CDKAL1: variants seen among roughly 807,000 people sequenced by gnomAD.
The protein encoded by CDKAL1 is CDKAL1 threonylcarbamoyladenosine tRNA methylthiotransferase, also known as threonylcarbamoyladenosine tRNA methylthiotransferase.
In CDKAL1, 32 loss-of-function variants were observed where a neutral mutation model predicts 68.2. The ratio of observed to expected loss-of-function variants is 0.47; its 90% CI spans 0.35 to 0.63. The LOEUF (loss-of-function observed/expected upper bound fraction) is 0.63. Ranked by LOEUF, CDKAL1 falls within the 30% of genes least tolerant of loss-of-function variation. The pLI, the probability that CDKAL1 is intolerant of heterozygous loss-of-function variation, is 0.00. For synonymous variants in CDKAL1, 234 were observed against 244.3 expected, an observed-to-expected ratio of 0.96 and a Z score of 0.39; for missense variants, 606 against 696.7, an observed-to-expected ratio of 0.87 and a Z score of 1.47.
At chr6:20,914,188 G>A (rs1222404293) in intron 9 of CDKAL1, among the ~76,000 whole-genome samples, 1 of 152,108 alleles carries the variant, frequency 6.6e-6, no homozygotes, top group Non-Finnish European at 1.5e-5. Context: ...TACTCGGGAG[G>A]CTGAGGCAGG....
intron 13 of CDKAL1, among the ~76,000 whole-genome samples, chr6:21,126,796 A>C (rs1047257824): frequency 6.6e-6 from 1 of 152,218 alleles, no homozygotes; most frequent in Non-Finnish European, 1.5e-5. Context: ...ATGCTGGTTT[A>C]AACAAAGAGA....
At chr6:20,548,476 T>G (rs1763690029) in intron 3 of CDKAL1, 117 bp from the exon 4 acceptor site, 1 of 657,516 alleles carries the variant, frequency 1.5e-6, no homozygotes, top group Non-Finnish European at 2.7e-6. Flanking sequence ...GAGGTTGCAG[T>G]GAGCTGTGGT....
At chr6:21,178,200 A>G (rs1472514172) in intron 13 of CDKAL1, among the ~76,000 whole-genome samples, 2 of 152,162 alleles carry the variant, frequency 1.3e-5, no homozygotes, top group Non-Finnish European at 2.9e-5. Context: ...AAGCCTTATC[A>G]TGGGGAAAGA....
At chr6:20,900,610 CCT>C (rs1240305356) in intron 9 of CDKAL1, among the ~76,000 whole-genome samples, 5 of 152,318 alleles carry the variant, frequency 3.3e-5, no homozygotes, top group Middle Eastern at 3.4e-3. Flanking sequence ...AGAGTTTCCC[CCT>C]GAAACATCTG....
At chr6:21,191,992 C>CTTTTTTTTTTTTTTTTTTTTTTTTT (rs145894251) in intron 13 of CDKAL1, among the ~76,000 whole-genome samples, 1 of 34,516 alleles carries the variant, frequency 2.9e-5, no homozygotes, top group African/African-American at 1.1e-4. Flanking sequence ...ATTCATTTTT[C>CTTTTTTTTTTTTTTTTTTTTTTTTT]TTTTTTTTTT....
chr6:20,935,590 C>T (rs898730134), intron 9 of CDKAL1, among the ~76,000 whole-genome samples: 3 of 152,254 alleles, frequency 2.0e-5, no homozygotes, highest in Admixed American at 6.5e-5. Flanking sequence ...CCTCCACACG[C>T]AGCTAATTTT....
chr6:21,093,737 A>G (rs1582184141), intron 12 of CDKAL1, among the ~76,000 whole-genome samples: 7 of 79,198 alleles, frequency 8.8e-5, no homozygotes, highest in Admixed American at 3.6e-4. Context: ...TTTTTTTTGG[A>G]GACAGGGCCT....
At chr6:21,031,243 C>T (rs1453112423) in intron 11 of CDKAL1, among the ~76,000 whole-genome samples, 1 of 151,722 alleles carries the variant, frequency 6.6e-6, no homozygotes, top group Admixed American at 6.6e-5. Flanking sequence ...GCAGCCCATT[C>T]CCATGTGACC....
chr6:20,583,051 T>A (rs1282652077), intron 4 of CDKAL1, among the ~76,000 whole-genome samples: 1 of 152,196 alleles, frequency 6.6e-6, no homozygotes, highest in Non-Finnish European at 1.5e-5. Context: ...AATTTCCTAT[T>A]TTCTGAGGGA....
chr6:20,804,116 A>G lies in CDKAL1; in HGVS notation c.638+22851A>G, dbSNP rs569288366. 2.0e-5 allele frequency among the ~76,000 whole-genome samples: 3 copies of G among 152,338 alleles called. No homozygotes were observed. In the South Asian group the frequency reaches 6.2e-4, roughly 32 times the overall value. ...TCTTTGAATATAACTACACTATAAC[A>G]TTTTACAATGACTATCTACCAATTT... On this transcript the variant is annotated intron_variant, in intron 8 of 15. Transcript: ENST00000274695.
At chr6:21,064,827 C>A (rs1771341579) in intron 11 of CDKAL1, among the ~76,000 whole-genome samples, 1 of 152,090 alleles carries the variant, frequency 6.6e-6, no homozygotes, top group South Asian at 2.1e-4. Context: ...GAACAAAGAA[C>A]CATTTAAAAG....
chr6:20,751,203 G>A (rs1773907574), intron 6 of CDKAL1, among the ~76,000 whole-genome samples: 1 of 152,118 alleles, frequency 6.6e-6, no homozygotes, highest in African/African-American at 2.4e-5. Context: ...CTGCAGAGTA[G>A]TGTCAGCTTG....
At chr6:21,134,369 A>G (rs746648798) in intron 13 of CDKAL1, among the ~76,000 whole-genome samples, 3 of 152,226 alleles carry the variant, frequency 2.0e-5, no homozygotes, top group African/African-American at 4.8e-5. Context: ...ACCTTGTACA[A>G]AATTGCTAGA....
chr6:20,638,212 A>C (rs538483925), intron 4 of CDKAL1, among the ~76,000 whole-genome samples: 1 of 152,324 alleles, frequency 6.6e-6, no homozygotes, highest in East Asian at 1.9e-4. Context: ...TGTGCTATCA[A>C]ACTTTTGGAT....
intron 9 of CDKAL1, among the ~76,000 whole-genome samples, chr6:20,860,235 G>A (rs1387888420): frequency 6.6e-6 from 1 of 151,874 alleles, no homozygotes; most frequent in Non-Finnish European, 1.5e-5. Flanking sequence ...CTGCCACCAC[G>A]CCTGGCTAAT....
chr6:21,016,298 G>C (rs779821708), intron 11 of CDKAL1, among the ~76,000 whole-genome samples: 87 of 151,982 alleles, frequency 5.7e-4, no homozygotes, highest in Non-Finnish European at 1.1e-3. Context: ...TGGAACCCAG[G>C]TTTCCTAGTT....
intron 5 of CDKAL1, among the ~76,000 whole-genome samples, chr6:20,729,768 GCTAA>G (rs1355114420): frequency 1.3e-5 from 2 of 152,140 alleles, no homozygotes; most frequent in Admixed American, 6.5e-5. Flanking sequence ...AAGTCTGGGT[GCTAA>G]CTATTTTACT....
At chr6:20,741,767 A>C (rs1236557330) in intron 6 of CDKAL1, among the ~76,000 whole-genome samples, 1 of 152,168 alleles carries the variant, frequency 6.6e-6, no homozygotes, top group Non-Finnish European at 1.5e-5. Context: ...GCTACAGTGA[A>C]CATTCACATG....
At chr6:21,015,027 C>T (rs1213748792) in intron 11 of CDKAL1, among the ~76,000 whole-genome samples, 2 of 152,048 alleles carry the variant, frequency 1.3e-5, no homozygotes, top group Non-Finnish European at 2.9e-5. Flanking sequence ...ATGGTGAGTC[C>T]CTTTTGCGAT....
Sources: gnomAD v4.1 joint callset for allele counts (sites outside exome capture counted in the v4.1 genomes callset) on GRCh38, gnomAD v4.1.1 for gene constraint, MANE v1.5 for transcripts, NCBI Gene and HGNC (gene_info 2026-07-23, HGNC 2026-07-21) for gene names.